Variants in ESR1 observed in about 807,000 individuals in gnomAD.
ESR1 encodes the protein estrogen receptor 1, also known as estrogen receptor.
ESR1 carries 12 observed loss-of-function variants against 52.7 expected under a neutral mutation model. The observed-to-expected ratio is 0.23, with a 90% confidence interval of 0.15 to 0.37. The LOEUF is 0.37. ESR1 is among the 10% of genes least tolerant of loss of function. The pLI is 1.00. For missense variants in ESR1, 584 were observed against 779.7 expected, an observed-to-expected ratio of 0.75 and a Z score of 2.99; for synonymous variants, 305 against 316.8, an observed-to-expected ratio of 0.96 and a Z score of 0.39.
intron 2 of ESR1, among the ~76,000 whole-genome samples, chr6:151,860,599 C>T (rs1257050134): frequency 6.6e-6 from 1 of 152,070 alleles, no homozygotes; most frequent in Non-Finnish European, 1.5e-5. Flanking sequence ...GGATATTATT[C>T]AGCTTTCAAA....
At chr6:151,995,418 A>T (rs2041395787) in intron 4 of ESR1, among the ~76,000 whole-genome samples, 1 of 152,148 alleles carries the variant, frequency 6.6e-6, no homozygotes, top group African/African-American at 2.4e-5. Flanking sequence ...CACTTACATG[A>T]CAGGAAGTAT....
chr6:151,971,583 G>T (rs1198433140), intron 4 of ESR1, among the ~76,000 whole-genome samples: 1 of 152,106 alleles, frequency 6.6e-6, no homozygotes, highest in African/African-American at 2.4e-5. Context: ...AATCAAGAGA[G>T]AAATTTAAAA....
At chr6:151,801,612 T>G (rs374200248), upstream of ESR1, among the ~76,000 whole-genome samples, 3 of 152,128 alleles carry the variant, frequency 2.0e-5, no homozygotes, top group Admixed American at 6.6e-5. Flanking sequence ...CTTGGAGAGA[T>G]AGTGGGAAAG....
At chr6:152,016,335 T>A (rs1291237335) in intron 5 of ESR1, among the ~76,000 whole-genome samples, 1 of 152,100 alleles carries the variant, frequency 6.6e-6, no homozygotes, top group African/African-American at 2.4e-5. Context: ...TGTGTATAAA[T>A]ACATATACAT....
At chr6:151,814,360 A>G (rs1397714397) in intron 1 of ESR1, among the ~76,000 whole-genome samples, 2 of 152,174 alleles carry the variant, frequency 1.3e-5, no homozygotes, top group Non-Finnish European at 1.5e-5. Context: ...TCTAATACAT[A>G]GAAGTTTAAA....
chr6:151,707,366 T>C (rs1208186325), intron 2 of ESR1, among the ~76,000 whole-genome samples: 1 of 152,080 alleles, frequency 6.6e-6, no homozygotes, highest in African/African-American at 2.4e-5. Context: ...TATTTAAGTG[T>C]GTATATATGT....
At chr6:151,669,150 GAGAGAGA>G (rs1777942178) in intron 1 of ESR1, among the ~76,000 whole-genome samples, 1 of 107,920 alleles carries the variant, frequency 9.3e-6, no homozygotes, top group African/African-American at 3.4e-5. Context: ...GGAGCTGGGA[GAGAGAGA>G]GAGAGAGAGA....
chr6:151,926,945 G>T (rs1400952585), intron 3 of ESR1, among the ~76,000 whole-genome samples: 2 of 152,006 alleles, frequency 1.3e-5, no homozygotes, highest in Non-Finnish European at 2.9e-5. Context: ...GGGGAAAGTG[G>T]TTAGTTTTTT....
intron 2 of ESR1, among the ~76,000 whole-genome samples, chr6:151,853,169 CAAAAAAAAAAAAAAA>C (rs386408969): frequency 2.3e-5 from 1 of 42,880 alleles, no homozygotes; most frequent in Non-Finnish European, 3.9e-5. Flanking sequence ...AGACTCGTCT[CAAAAAAAAAAAAAAA>C]AAAAAAAAAA....
intron 2 of ESR1, among the ~76,000 whole-genome samples, chr6:151,762,511 A>G (rs1269702714): frequency 1.3e-5 from 2 of 152,170 alleles, no homozygotes; most frequent in Admixed American, 6.5e-5. Flanking sequence ...TACAAATTCT[A>G]TGACCTTGGA....
chr6:151,838,088 T>C (rs1007080708), intron 1 of ESR1, among the ~76,000 whole-genome samples: 11 of 152,198 alleles, frequency 7.2e-5, no homozygotes, highest in Admixed American at 7.2e-4. Context: ...CAGCCTTGAA[T>C]GCCTGGGCTC....
At chr6:152,106,047 C>A (rs2051063427), downstream of ESR1, among the ~76,000 whole-genome samples, 1 of 151,976 alleles carries the variant, frequency 6.6e-6, no homozygotes, top group Admixed American at 6.6e-5. Flanking sequence ...CCCGCCTCGG[C>A]CTCCCAAAGT....
intron 5 of ESR1, among the ~76,000 whole-genome samples, chr6:152,019,377 G>T (rs940833996): frequency 2.0e-5 from 3 of 152,018 alleles, no homozygotes; most frequent in Admixed American, 6.6e-5. Flanking sequence ...TTGGAATAAA[G>T]CTAAAAAAAA....
At chr6:151,883,893 A>G (rs1793388459) in intron 3 of ESR1, among the ~76,000 whole-genome samples, 1 of 152,158 alleles carries the variant, frequency 6.6e-6, no homozygotes, top group Non-Finnish European at 1.5e-5. Flanking sequence ...GACACCAGTC[A>G]TATCGGATTA....
At chr6:151,817,736 G>A (rs148541430) in intron 1 of ESR1, among the ~76,000 whole-genome samples, 1 of 152,336 alleles carries the variant, frequency 6.6e-6, no homozygotes, top group East Asian at 1.9e-4. Flanking sequence ...ACCTGTGCCA[G>A]TTAGCCTGTA....
At chr6:151,923,236 A>G (rs2032046264) in intron 3 of ESR1, among the ~76,000 whole-genome samples, 1 of 152,186 alleles carries the variant, frequency 6.6e-6, no homozygotes, top group Non-Finnish European at 1.5e-5. Flanking sequence ...TATTTGTCAT[A>G]CATTTAAATT....
intron 4 of ESR1, among the ~76,000 whole-genome samples, chr6:151,947,601 G>C (rs1414908495): frequency 6.6e-6 from 1 of 152,038 alleles, no homozygotes; most frequent in Non-Finnish European, 1.5e-5. Context: ...TTCAAATGTT[G>C]ATGATTATAA....
At chr6:151,917,374 A>C (rs1445918771) in intron 3 of ESR1, among the ~76,000 whole-genome samples, 1 of 152,220 alleles carries the variant, frequency 6.6e-6, no homozygotes, top group Non-Finnish European at 1.5e-5. Context: ...GCCAGGCAAG[A>C]AAAATATGTA....
At chr6:151,734,549 C>A (rs1782493911) in intron 2 of ESR1, among the ~76,000 whole-genome samples, 1 of 152,138 alleles carries the variant, frequency 6.6e-6, no homozygotes, top group Admixed American at 6.6e-5. Flanking sequence ...GACTCACCAC[C>A]TGGGTGACAA....
Sources: allele counts gnomAD v4.1 joint callset (sites outside exome capture counted in the v4.1 genomes callset), GRCh38; gene constraint gnomAD v4.1.1; transcripts MANE v1.5; gene names NCBI Gene and HGNC (gene_info 2026-07-23, HGNC 2026-07-21).